Variants in MAN1C1 observed in about 807,000 individuals in gnomAD.
MAN1C1 encodes the protein mannosyl-oligosaccharide 1,2-alpha-mannosidase IC.
In MAN1C1, 49 loss-of-function variants were observed where a neutral mutation model predicts 71.5. The ratio of observed to expected loss-of-function variants is 0.69; its 90% CI spans 0.54 to 0.87. MAN1C1 has a LOEUF of 0.87. Ranked by LOEUF, MAN1C1 falls within the 40% of genes least tolerant of loss-of-function variation. MAN1C1 has a pLI of 0.00. For missense variants in MAN1C1, 743 were observed against 835.0 expected (o/e 0.89, Z 1.36); for synonymous variants, 352 against 343.7 (o/e 1.02, Z -0.27).
At chr1:25,674,983 A>G (rs1168421795) in intron 1 of MAN1C1, among the ~76,000 whole-genome samples, 9 of 152,162 alleles carry the variant, frequency 5.9e-5, no homozygotes, top group African/African-American at 1.4e-4. Context: ...GGTGGTGCTC[A>G]TGGTGGTGGT....
rs147321729 is a variant in MAN1C1, at chr1:25,738,288, G to A, written c.638-8380G>A. 6.3e-4 allele frequency among the ~76,000 whole-genome samples: 96 copies of A among 152,132 alleles called. No individual in the cohort carries two copies. The East Asian group carries it at 0.014, about 22-fold the overall frequency. On this transcript the variant is annotated intron_variant, in intron 2 of 11. Transcript: ENST00000374332. ...GAAAAAAAATTAAAACACGACACAC[G>A]AGAAACAGACCAGATAGAAATGGAG...
chr1:25,762,122 C>A (rs889008233), intron 6 of MAN1C1, among the ~76,000 whole-genome samples: 1 of 121,422 alleles, frequency 8.2e-6, no homozygotes, highest in Non-Finnish European at 1.6e-5. Flanking sequence ...CTTTTCTTTT[C>A]TTTTCTTTTT....
chr1:25,662,344 G>A (rs1328585039), intron 1 of MAN1C1, among the ~76,000 whole-genome samples: 1 of 152,102 alleles, frequency 6.6e-6, no homozygotes, highest in African/African-American at 2.4e-5. Flanking sequence ...TTTGACATCA[G>A]GCAAGTGAAT....
At chr1:25,768,966 C>A (rs1193911829) in intron 7 of MAN1C1, among the ~76,000 whole-genome samples, 2 of 146,912 alleles carry the variant, frequency 1.4e-5, no homozygotes, top group African/African-American at 5.1e-5. Flanking sequence ...ACACACACCC[C>A]CACACTACAC....
chr1:25,675,577 T>A (rs546250845), intron 1 of MAN1C1, among the ~76,000 whole-genome samples: 9 of 118,182 alleles, frequency 7.6e-5, no homozygotes, highest in Admixed American at 2.5e-4. Flanking sequence ...TATAATGACT[T>A]ATTTTGCGGG....
intron 6 of MAN1C1, chr1:25,759,024 G>A (rs1383297447): frequency 7.0e-6 from 2 of 287,756 alleles, no homozygotes; most frequent in Non-Finnish European, 1.3e-5. Context: ...TCTGGAGAAA[G>A]TGCAACTGAA....
chr1:25,731,747 A>T (rs910160744), intron 2 of MAN1C1, among the ~76,000 whole-genome samples: 2 of 152,060 alleles, frequency 1.3e-5, no homozygotes, highest in Non-Finnish European at 2.9e-5. Flanking sequence ...GGTCTATAGG[A>T]GTGTGGGCTG....
chr1:25,768,581 G>C (rs1226700140), intron 7 of MAN1C1, among the ~76,000 whole-genome samples: 4 of 19,294 alleles, frequency 2.1e-4, no homozygotes, highest in Admixed American at 1.5e-3. Flanking sequence ...CCCACACACA[G>C]ACCCACACAC....
At chr1:25,640,377 C>T (rs2045520947) in intron 1 of MAN1C1, among the ~76,000 whole-genome samples, 1 of 152,176 alleles carries the variant, frequency 6.6e-6, no homozygotes, top group South Asian at 2.1e-4. Context: ...ATGCTGATTT[C>T]CTGGGAAGAC....
chr1:25,686,412 G>A, intron 1 of MAN1C1, 28 bp from the exon 2 acceptor site: 2 of 1,601,836 alleles, frequency 1.2e-6, no homozygotes, highest in Non-Finnish European at 1.7e-6. Flanking sequence ...TCACACTGAG[G>A]TTCTCTCTAT....
chr1:25,629,081 A>G (rs2045341946), intron 1 of MAN1C1, among the ~76,000 whole-genome samples: 1 of 152,310 alleles, frequency 6.6e-6, no homozygotes, highest in Middle Eastern at 3.4e-3. Flanking sequence ...TTTTTCATGT[A>G]ATGGCTTCTT....
chr1:25,635,163 T>C (rs1388079688), intron 1 of MAN1C1, among the ~76,000 whole-genome samples: 2 of 152,124 alleles, frequency 1.3e-5, no homozygotes, highest in Admixed American at 6.5e-5. Context: ...CCATATACCA[T>C]GCTCAGCTTC....
At chr1:25,690,755 T>C (rs1184079790) in intron 2 of MAN1C1, among the ~76,000 whole-genome samples, 1 of 152,184 alleles carries the variant, frequency 6.6e-6, no homozygotes, top group Non-Finnish European at 1.5e-5. Flanking sequence ...GCCTCCAGTC[T>C]GTGGTGAGGA....
intron 1 of MAN1C1, among the ~76,000 whole-genome samples, chr1:25,623,882 C>T (rs985322597): frequency 1.3e-5 from 2 of 152,250 alleles, no homozygotes; most frequent in East Asian, 3.9e-4. Flanking sequence ...TTGCCTCAGG[C>T]GAGCTCATGG....
chr1:25,738,676 C>A (rs1195577745), intron 2 of MAN1C1, among the ~76,000 whole-genome samples: 1 of 152,140 alleles, frequency 6.6e-6, no homozygotes, highest in Non-Finnish European at 1.5e-5. Flanking sequence ...TTGAGTCATG[C>A]GTTGCAATTG....
chr1:25,758,924 C>G (rs1243615943), intron 6 of MAN1C1: 4 of 551,804 alleles, frequency 7.2e-6, no homozygotes, highest in Non-Finnish European at 1.3e-5. Flanking sequence ...CAATAAGATT[C>G]TACAGAGGGA....
chr1:25,701,089 T>A (rs2046436159), intron 2 of MAN1C1, among the ~76,000 whole-genome samples: 1 of 152,244 alleles, frequency 6.6e-6, no homozygotes, highest in African/African-American at 2.4e-5. Context: ...TTTATGCCAA[T>A]GCAGTTGTCA....
At chr1:25,763,619 G>A (rs1374101291) in intron 6 of MAN1C1, 1 of 491,974 alleles carries the variant, frequency 2.0e-6, no homozygotes, top group Admixed American at 3.4e-5. Flanking sequence ...GGTTGAGACT[G>A]TCCAGGTGCC....
rs2047617924 is a variant in MAN1C1 at position 25,776,260 on chromosome 1, G to A, written c.1258-1845G>A. 6.6e-6 allele frequency among the ~76,000 whole-genome samples: 1 copy of A among 151,800 alleles called. No homozygotes were observed. The highest frequency in any genetic ancestry group is 6.6e-5 in the Admixed American group (1 of 15,244). On this transcript the variant is annotated intron_variant, in intron 8 of 11. Coordinates refer to ENST00000374332, the MANE Select transcript of MAN1C1 (RefSeq NM_020379.4). This position sits in a 1 kb window ranked among gnomAD's most constrained non-coding sequence, Gnocchi z 4.3. ...TTATTCAAAATGCTGATCACAAATT[G>A]TACCTCTCAGCCAGTTGTGGTGGCT... is the stretch of plus-strand genomic sequence containing the variant.
Sources: gnomAD v4.1 joint callset for allele counts (sites outside exome capture counted in the v4.1 genomes callset) on GRCh38, gnomAD v4.1.1 for gene constraint, Gnocchi (gnomAD v3.1) non-coding constraint, MANE v1.5 for transcripts, NCBI Gene and HGNC (gene_info 2026-07-23, HGNC 2026-07-21) for gene names.